Variants in SDK1 observed in about 807,000 individuals in gnomAD.
SDK1 encodes the protein sidekick cell adhesion molecule 1, also known as protein sidekick-1.
A neutral mutation model predicts 245.5 loss-of-function variants in SDK1; 157 were observed. The ratio of observed to expected loss-of-function variants is 0.64; its 90% confidence interval spans 0.56 to 0.73. The LOEUF (loss-of-function observed/expected upper bound fraction) is 0.73, where lower values mean the gene tolerates loss of function less well. Among genes scored for constraint, SDK1 ranks in the 30% least tolerant of loss-of-function variants. The pLI is 0.00. For missense variants in SDK1, 3,583 were observed against 3,002.3 expected, an observed-to-expected ratio of 1.19 and a Z score of -4.52; for synonymous variants, 1,647 against 1,278.5, an observed-to-expected ratio of 1.29 and a Z score of -6.15.
intron 5 of SDK1, among the ~76,000 whole-genome samples, chr7:3,898,062 G>A (rs1183382626): frequency 6.6e-6 from 1 of 152,144 alleles, no homozygotes; most frequent in African/African-American, 2.4e-5. Context: ...GAGGTGCTAC[G>A]GTATTAGCAT....
intron 4 of SDK1, among the ~76,000 whole-genome samples, chr7:3,757,030 G>A (rs143643097): frequency 6.6e-6 from 1 of 152,140 alleles, no homozygotes; most frequent in African/African-American, 2.4e-5. Flanking sequence ...TGAATATGTG[G>A]TGTTTTTCCA....
intron 39 of SDK1, 42 bp downstream of exon 39, chr7:4,220,312 T>C (rs1324200564): frequency 6.9e-6 from 11 of 1,589,522 alleles, no homozygotes; most frequent in East Asian, 6.7e-5. Context: ...ATTGCAACTT[T>C]AGCCTCCCGC....
intron 19 of SDK1, among the ~76,000 whole-genome samples, chr7:4,052,582 T>C (rs1778939605): frequency 6.6e-6 from 1 of 152,286 alleles, no homozygotes; most frequent in South Asian, 2.1e-4. Context: ...TGTGAAATAA[T>C]AGTATACAAA....
chr7:4,032,682 CAT>C (rs1787911346), intron 17 of SDK1, among the ~76,000 whole-genome samples: 1 of 152,168 alleles, frequency 6.6e-6, no homozygotes, highest in Non-Finnish European at 1.5e-5. Context: ...ACAAGCAAAA[CAT>C]AGCTTGAAGT....
chr7:3,310,388 C>A (rs1240685121), intron 1 of SDK1, among the ~76,000 whole-genome samples: 11 of 152,180 alleles, frequency 7.2e-5, no homozygotes, highest in Non-Finnish European at 1.5e-4. Context: ...ACTGTAACAA[C>A]AATTGAGGTG....
chr7:3,450,501 A>AG lies in SDK1; in HGVS notation c.298+148620dup, dbSNP rs1245114893. Among the ~76,000 whole-genome samples the AG allele has an allele frequency of 4.6e-5, 7 of 152,278 alleles. 1 individual carries two copies. The highest frequency in any genetic ancestry group is 1.7e-4 in the African/African-American group (7 of 41,562). ...GTGCTAGCATTTGGGATATAAAGGA[A>AG]GGGAAGGGGTCTAGGATGATACGTA... On this transcript the variant is annotated intron_variant, in intron 1 of 44. Transcript: ENST00000404826.
In SDK1 at chr7:4,158,442, T is replaced by C. The variant is rs1224530718; in HGVS notation, c.4626-6T>C. On this transcript the variant is annotated splice_polypyrimidine_tract_variant and splice_region_variant and intron_variant, in intron 30 of 44. Coordinates refer to ENST00000404826, the MANE Select transcript of SDK1 (RefSeq NM_152744.4). ...CCCGGCAGTCACGGTCTCTTCCACATTGCAGACTGAGGCCCTTCACCTCCT... is the reference window on the plus strand; with the variant it reads ...CCCGGCAGTCACGGTCTCTTCCACACTGCAGACTGAGGCCCTTCACCTCCT... 3 of 1,611,044 alleles carry C rather than the reference T, an allele frequency of 1.9e-6. No individual in the cohort carries two copies. Among genetic ancestry groups the C allele is most frequent in the Non-Finnish European group, 2.5e-6 (3 of 1,178,002 alleles).
chr7:3,326,443 A>C (rs1002656545), intron 1 of SDK1, among the ~76,000 whole-genome samples: 1 of 152,116 alleles, frequency 6.6e-6, no homozygotes, highest in Non-Finnish European at 1.5e-5. Context: ...TAGACATTGA[A>C]GTTGTTTTAG....
chr7:4,107,143 TGGGGAGGGTGGGGAGGGTGGGGCTGCA>T (rs1156578295), intron 22 of SDK1, among the ~76,000 whole-genome samples: 132 of 3,846 alleles, frequency 0.034, 2 homozygotes, highest in African/African-American at 0.094. Context: ...GTGGGGAGGG[TGGGGAGGGTGGGGAGGGTGGGGCTGCA>T]GGGGCCAACC....
intron 5 of SDK1, among the ~76,000 whole-genome samples, chr7:3,887,706 G>A: frequency 6.6e-6 from 1 of 152,178 alleles, no homozygotes; most frequent in East Asian, 1.9e-4. Flanking sequence ...CATCATATGA[G>A]TTTGTATCAT....
chr7:3,510,722 A>G (rs1351016552), intron 1 of SDK1, among the ~76,000 whole-genome samples: 1 of 152,086 alleles, frequency 6.6e-6, no homozygotes, highest in Non-Finnish European at 1.5e-5. Context: ...TCTCAGAGAG[A>G]ACAGATGATA....
intron 2 of SDK1, among the ~76,000 whole-genome samples, chr7:3,622,805 A>G (rs762233473): frequency 2.6e-5 from 4 of 152,208 alleles, no homozygotes; most frequent in Non-Finnish European, 4.4e-5. Context: ...ATTCTGAAGC[A>G]AGAATTGTTT....
intron 14 of SDK1, among the ~76,000 whole-genome samples, chr7:3,988,612 C>T (rs1046049779): frequency 4.6e-5 from 7 of 152,130 alleles, no homozygotes; most frequent in Non-Finnish European, 1.0e-4. Flanking sequence ...AAACTCAACA[C>T]GGATTTTATG....
At chr7:3,750,601 T>C (rs1157361068) in intron 4 of SDK1, among the ~76,000 whole-genome samples, 2 of 152,182 alleles carry the variant, frequency 1.3e-5, no homozygotes, top group African/African-American at 2.4e-5. Context: ...CAAGGAGTAG[T>C]GTGGGGGTCA....
At chr7:3,863,915 G>A (rs967870017) in intron 5 of SDK1, among the ~76,000 whole-genome samples, 1 of 152,194 alleles carries the variant, frequency 6.6e-6, no homozygotes, top group South Asian at 2.1e-4. Flanking sequence ...ATACTTGTTC[G>A]AGTCTGCTTA....
chr7:3,619,143 G>A lies in SDK1; in HGVS notation c.362G>A (p.Arg121His), dbSNP rs775695734. Residue 121 changes from arginine (R) to histidine (H), a missense_variant, in exon 2 of 45, where the codon CGC (arginine) becomes CAC (histidine). By Grantham distance (29) the Arg-to-His change is conservative. Transcript: ENST00000404826. Reference protein sequence around the residue: ...GLPQIHLEGNRLVLTCLAEGS... With the variant: ...GLPQIHLEGNHLVLTCLAEGS... ...CCACAGATCCACCTGGAAGGGAACCGCCTTGTTCTCACCTGCCTTGCCGAA... is the reference window on the plus strand; with the variant it reads ...CCACAGATCCACCTGGAAGGGAACCACCTTGTTCTCACCTGCCTTGCCGAA... 19 of 1,613,246 alleles carry A rather than the reference G, an allele frequency of 1.2e-5. No individual in the cohort carries two copies. The highest frequency in any genetic ancestry group is 3.3e-5 in the South Asian group (3 of 91,052).
chr7:3,485,316 TCTTCAGATACTTTGCC>T (rs1221789229), intron 1 of SDK1, among the ~76,000 whole-genome samples: 1 of 152,208 alleles, frequency 6.6e-6, no homozygotes, highest in Admixed American at 6.5e-5. Context: ...GAGAAATGTC[TCTTCAGATACTTTGCC>T]CATTTAAAAA....
chr7:3,406,856 T>G (rs1411564437), intron 1 of SDK1, among the ~76,000 whole-genome samples: 2 of 152,186 alleles, frequency 1.3e-5, no homozygotes, highest in Non-Finnish European at 2.9e-5. Context: ...ATCGAGGAGT[T>G]TCTATTTTAT....
intron 1 of SDK1, among the ~76,000 whole-genome samples, chr7:3,543,516 C>A (rs1346913480): frequency 6.6e-6 from 1 of 152,218 alleles, no homozygotes; most frequent in African/African-American, 2.4e-5. Flanking sequence ...AATATCCTTG[C>A]AGGGGCCACC....
Sources: gnomAD v4.1 joint callset for allele counts (sites outside exome capture counted in the v4.1 genomes callset) on GRCh38, gnomAD v4.1.1 for gene constraint, MANE v1.5 for transcripts, NCBI Gene and HGNC (gene_info 2026-07-23, HGNC 2026-07-21) for gene names.